DIRAS2: variants seen among roughly 807,000 people sequenced by gnomAD.
DIRAS2 encodes the protein GTP-binding protein Di-Ras2.
DIRAS2 carries 5 observed loss-of-function variants against 13.9 expected under a neutral mutation model. The observed-to-expected ratio is 0.36, with a 90% CI of 0.19 to 0.76. DIRAS2 has a LOEUF of 0.76. Ranked by LOEUF, DIRAS2 falls within the 30% of genes least tolerant of loss-of-function variation. The pLI is 0.53. For synonymous variants in DIRAS2, 111 were observed against 105.4 expected, an observed-to-expected ratio of 1.05 and a Z score of -0.33; for missense variants, 191 against 263.0, an observed-to-expected ratio of 0.73 and a Z score of 1.89.
Position 90,610,166 on chromosome 9 carries a change from G to T in DIRAS2, c.*3062C>A. 3.0e-6 allele frequency: 1 copy of T among 337,314 alleles called. No individual in the cohort carries two copies. Among genetic ancestry groups the T allele is most frequent in the African/African-American group, 2.1e-5 (1 of 47,410 alleles). 20.9% of individuals were successfully genotyped at this position (337,314 alleles called of 1,614,324 possible). A position where few individuals can be genotyped will look rare whatever the true frequency, so the allele number is the denominator to read the frequency against. On this transcript the variant is annotated 3_prime_UTR_variant, in exon 2 of 2. Coordinates refer to ENST00000375765, the MANE Select transcript of DIRAS2 (RefSeq NM_017594.5). ...GAAGCAACACATTACAAATTTTGGG[G>T]AAAAAAATTAAGTATCACAGAGCAA...
chr9:90,632,583 T>C (rs1276401568), intron 1 of DIRAS2, among the ~76,000 whole-genome samples: 1 of 152,224 alleles, frequency 6.6e-6, no homozygotes, highest in African/African-American at 2.4e-5. Context: ...ATTTCCTTTT[T>C]TAAAAAATTT....
chr9:90,634,973 G>C (rs1485132063), intron 1 of DIRAS2, among the ~76,000 whole-genome samples: 1 of 152,206 alleles, frequency 6.6e-6, no homozygotes, highest in Non-Finnish European at 1.5e-5. Flanking sequence ...AGAGGTTCTA[G>C]GCAAGTTTCA....
intron 1 of DIRAS2, among the ~76,000 whole-genome samples, chr9:90,617,700 G>A (rs1190286286): frequency 6.6e-6 from 1 of 151,968 alleles, no homozygotes; most frequent in Non-Finnish European, 1.5e-5. Context: ...TCACAAGAGG[G>A]CAACTAGCTA....
chr9:90,642,241 G>C (rs1825425105), intron 1 of DIRAS2, among the ~76,000 whole-genome samples: 1 of 152,192 alleles, frequency 6.6e-6, no homozygotes, highest in South Asian at 2.1e-4. Flanking sequence ...AAGCGGAAAG[G>C]AGCACATGTA....
chr9:90,642,091 C>T (rs1056872280), intron 1 of DIRAS2, among the ~76,000 whole-genome samples: 7 of 152,214 alleles, frequency 4.6e-5, no homozygotes, highest in Admixed American at 3.3e-4. Context: ...GAGGCAGGTT[C>T]CCACAACGCC....
chr9:90,636,198 C>T (rs761560058), intron 1 of DIRAS2, among the ~76,000 whole-genome samples: 21 of 151,788 alleles, frequency 1.4e-4, no homozygotes, highest in Admixed American at 2.0e-4. Context: ...CCACCACACC[C>T]GGCTAATTTT....
chr9:90,632,776 T>C (rs1825336832), intron 1 of DIRAS2, among the ~76,000 whole-genome samples: 3 of 152,220 alleles, frequency 2.0e-5, no homozygotes, highest in Non-Finnish European at 4.4e-5. Flanking sequence ...GCTAAGCGAC[T>C]TGCCTTAGGC....
In DIRAS2 at chr9:90,610,638, C is replaced by A. The variant is rs1825103271; in HGVS notation, c.*2590G>T. On this transcript the variant is annotated 3_prime_UTR_variant, in exon 2 of 2. Transcript: ENST00000375765. ...AAACGTACAAATGCTTTAAAAAAAT[C>A]TAATTCTGTGATACTAACTCCTCAA... 3 of 384,636 alleles carry A rather than the reference C, an allele frequency of 7.8e-6. No individual in the cohort carries two copies. The allele number at this position is 384,636 out of a possible 1,614,324, so 23.8% of individuals were successfully genotyped here.
At position 90,612,879 on chromosome 9, in the gene DIRAS2, C is replaced by G. The variant is rs1825128880; in HGVS notation, c.*349G>C. On this transcript the variant is annotated 3_prime_UTR_variant, in exon 2 of 2. Transcript: ENST00000375765. ...CTAGGTTAACACGCTCTCACATGCA[C>G]GTAGATGACATTTAGTCCTCTCGGT... 2 of 284,332 alleles carry G rather than the reference C, an allele frequency of 7.0e-6. No homozygotes were observed. The highest frequency in any genetic ancestry group is 2.2e-5 in the African/African-American group (1 of 45,920). The allele number at this position is 284,332 out of a possible 1,614,324, so 17.6% of individuals were successfully genotyped here.
intron 1 of DIRAS2, chr9:90,625,768 C>T (rs1276924477): frequency 6.6e-6 from 1 of 152,156 alleles, no homozygotes; most frequent in Non-Finnish European, 1.5e-5. Context: ...CAACTTTGTA[C>T]TTCTTTTTCA....
rs762413608 is a variant in DIRAS2, at chr9:90,613,145, A to G, written c.*83T>C. ...AATGTTTAACACGTGGGCATTATAC[A>G]TGCTACCCTGACGACGGTGGGTGTC... On this transcript the variant is annotated 3_prime_UTR_variant, in exon 2 of 2. Transcript: ENST00000375765. The surrounding 1 kb of genome is among the most constrained non-coding windows in gnomAD (Gnocchi z 5.6). 6.5e-7 allele frequency: 1 copy of G among 1,543,574 alleles called. No individual in the cohort carries two copies. Among genetic ancestry groups the G allele is most frequent in the Non-Finnish European group, 8.7e-7 (1 of 1,145,692 alleles).
intron 1 of DIRAS2, among the ~76,000 whole-genome samples, chr9:90,618,313 A>T (rs891810713): frequency 1.3e-5 from 2 of 152,214 alleles, no homozygotes; most frequent in African/African-American, 4.8e-5. Flanking sequence ...ATAAAATTCA[A>T]TTCAAAAGGC....
chr9:90,612,353 A>G lies in DIRAS2; in HGVS notation c.*875T>C, dbSNP rs1347842681. ...AAGAAAACCACCTTGGAGGAAAAAAACGTCTAAAAATAGTGAGTTTATTTG... is the reference window on the plus strand; with the variant it reads ...AAGAAAACCACCTTGGAGGAAAAAAGCGTCTAAAAATAGTGAGTTTATTTG... On this transcript the variant is annotated 3_prime_UTR_variant, in exon 2 of 2. Coordinates refer to ENST00000375765, the MANE Select transcript of DIRAS2 (RefSeq NM_017594.5). 6.6e-6 allele frequency: 1 copy of G among 152,644 alleles called. No homozygotes were observed. Among genetic ancestry groups the G allele is most frequent in the Non-Finnish European group, 1.5e-5 (1 of 68,054 alleles). 9.5% of individuals were successfully genotyped at this position (152,644 alleles called of 1,614,324 possible).
intron 1 of DIRAS2, among the ~76,000 whole-genome samples, chr9:90,635,809 T>C (rs1438295052): frequency 6.6e-6 from 1 of 152,214 alleles, no homozygotes; most frequent in Non-Finnish European, 1.5e-5. Context: ...TTTACATGTC[T>C]TTCAATGCTG....
rs1182475687 is a variant in DIRAS2 at position 90,611,281 on chromosome 9, A to G, written c.*1947T>C. The G allele has an allele frequency of 1.3e-5, 2 of 152,228 alleles. No individual in the cohort carries two copies. The highest frequency in any genetic ancestry group is 2.9e-5 in the Non-Finnish European group (2 of 68,072). The allele number at this position is 152,228 out of a possible 1,614,324, so 9.4% of individuals were successfully genotyped here. A position where few individuals can be genotyped will look rare whatever the true frequency, so the allele number is the denominator to read the frequency against. ...TGAGGAATCTGAAGGGGGCCACGGG[A>G]CTGGCCCAAATGCTCTTCACCCCCA... On this transcript the variant is annotated 3_prime_UTR_variant, in exon 2 of 2. Transcript: ENST00000375765.
At chr9:90,621,677 T>C (rs1292878819) in intron 1 of DIRAS2, among the ~76,000 whole-genome samples, 1 of 152,210 alleles carries the variant, frequency 6.6e-6, no homozygotes, top group Non-Finnish European at 1.5e-5. Context: ...AAATAACAAC[T>C]GTTTAAAAGA....
intron 1 of DIRAS2, among the ~76,000 whole-genome samples, chr9:90,621,926 T>C (rs1377699729): frequency 6.6e-6 from 1 of 152,254 alleles, no homozygotes; most frequent in African/African-American, 2.4e-5. Context: ...AAAATATATA[T>C]GTGTTCTGTG....
chr9:90,619,182 G>A (rs1825196332), intron 1 of DIRAS2, among the ~76,000 whole-genome samples: 1 of 152,166 alleles, frequency 6.6e-6, no homozygotes. Context: ...GCTCATGCCA[G>A]TAATCCCAGC....
chr9:90,619,299 C>G (rs1286659736), intron 1 of DIRAS2, among the ~76,000 whole-genome samples: 1 of 151,452 alleles, frequency 6.6e-6, no homozygotes, highest in Non-Finnish European at 1.5e-5. Flanking sequence ...AAAAATTAGC[C>G]AGGTATGGTG....
Sources: gnomAD v4.1 joint callset for allele counts (sites outside exome capture counted in the v4.1 genomes callset) on GRCh38, gnomAD v4.1.1 for gene constraint, Gnocchi (gnomAD v3.1) non-coding constraint, MANE v1.5 for transcripts, NCBI Gene and HGNC (gene_info 2026-07-23, HGNC 2026-07-21) for gene names.